EP400: variants seen among roughly 807,000 people sequenced by gnomAD.
EP400 encodes the protein E1A binding protein p400, also known as E1A-binding protein p400.
EP400 carries 105 observed loss-of-function variants against 354.1 expected under a neutral mutation model. The ratio of observed to expected loss-of-function variants is 0.30; its 90% confidence interval spans 0.25 to 0.35. The LOEUF (loss-of-function observed/expected upper bound fraction) is 0.35, where lower values mean the gene tolerates loss of function less well. EP400 is among the 10% of genes least tolerant of loss of function. EP400 has a pLI of 1.00. For missense variants in EP400, 3,280 were observed against 4,121.0 expected (o/e 0.80, Z 5.59); for synonymous variants, 1,646 against 1,716.9 (o/e 0.96, Z 1.02).
chr12:132,031,419 CTG>C (rs1894489288), intron 29 of EP400: 2 of 517,712 alleles, frequency 3.9e-6, no homozygotes, highest in Non-Finnish European at 3.9e-6. Context: ...GTTATTTAAA[CTG>C]TGCATGAGGG....
intron 12 of EP400, among the ~76,000 whole-genome samples, chr12:131,996,560 G>C (rs954532486): frequency 2.6e-5 from 4 of 151,980 alleles, no homozygotes; most frequent in Non-Finnish European, 5.9e-5. Flanking sequence ...CGAAGTGCTG[G>C]GATTACAGGC....
At chr12:132,016,525 C>T (rs1438005682) in intron 19 of EP400, among the ~76,000 whole-genome samples, 1 of 152,160 alleles carries the variant, frequency 6.6e-6, no homozygotes, top group Non-Finnish European at 1.5e-5. Flanking sequence ...TGTGCCACCA[C>T]ACCTGGCTAA....
At chr12:131,999,368 C>G (rs1003134989) in intron 12 of EP400, among the ~76,000 whole-genome samples, 2 of 152,014 alleles carry the variant, frequency 1.3e-5, no homozygotes, top group African/African-American at 4.8e-5. Flanking sequence ...GTATAGGGTT[C>G]TTGTAGATAT....
rs141823156 is a variant in EP400 at position 132,045,769 on chromosome 12, G to C, written c.7069G>C (p.Val2357Leu). 6.2e-7 allele frequency: 1 copy of C among 1,614,092 alleles called. No homozygotes were observed. ...GGAGCTGCCTTTGAACCTCACAATCGTGTCACCTGCTCACACACCTAATTG... is the reference window on the plus strand; with the variant it reads ...GGAGCTGCCTTTGAACCTCACAATCCTGTCACCTGCTCACACACCTAATTG... Reference protein sequence around the residue: ...LLELPLNLTIVSPAHTPNWDL... With the variant: ...LLELPLNLTILSPAHTPNWDL... The change falls in exon 39 of 53, where the codon GTG (valine) becomes CTG (leucine). Residue 2357 changes from valine (V) to leucine (L), a missense_variant. Val to Leu is a conservative substitution (Grantham distance 32). Transcript: ENST00000389561.
chr12:132,028,410 C>T lies in EP400; in HGVS notation c.5381+122C>T, dbSNP rs928619329. On this transcript the variant is annotated intron_variant, in intron 27 of 52. Transcript: ENST00000389561. ...GGCTTCTCCCCACGCTGTCCCTTAGCGGTCTGTTTTGAAGTTAGTCTTTGA... is the reference window on the plus strand; with the variant it reads ...GGCTTCTCCCCACGCTGTCCCTTAGTGGTCTGTTTTGAAGTTAGTCTTTGA... The T allele has an allele frequency of 2.8e-5, 36 of 1,284,230 alleles. No homozygotes were observed. The Middle Eastern group carries it at 8.2e-4, about 29-fold the overall frequency. The allele number at this position is 1,284,230 out of a possible 1,614,324, so 79.6% of individuals were successfully genotyped here.
chr12:132,004,996 C>G, intron 12 of EP400, 81 bp from the exon 13 acceptor site: 1 of 1,100,418 alleles, frequency 9.1e-7, no homozygotes, highest in East Asian at 2.6e-5. Context: ...TACCGTGGTT[C>G]TCCTGGCTGC....
At chr12:132,026,593 C>T (rs1369920558) in intron 25 of EP400, among the ~76,000 whole-genome samples, 2 of 152,144 alleles carry the variant, frequency 1.3e-5, no homozygotes, top group East Asian at 3.8e-4. Flanking sequence ...TTGCCGCTAC[C>T]CCCAGAACCA....
At position 132,050,459 on chromosome 12, in the gene EP400, T is replaced by C. The variant is rs1319981644; in HGVS notation, c.7337T>C (p.Leu2446Pro). The C allele has an allele frequency of 6.2e-7, 1 of 1,614,080 alleles. No homozygotes were observed. The highest frequency in any genetic ancestry group is 8.5e-7 in the Non-Finnish European group (1 of 1,180,048). ...AGKRSPPIKP[L>P]LGMNPFQKNP... ...AAGAGGAGTCCCCCAATCAAACCTC[T>C]GTATGTTTCCTGAGTGCTCATTTTA... The change falls in exon 40 of 53, where the codon CTG (leucine) becomes CCG (proline). Residue 2446 changes from leucine (L) to proline (P), a missense_variant and splice_region_variant. Physicochemically the swap from Leu to Pro is moderately conservative, Grantham distance 98. Around this residue, in one of 20 missense-constraint regions of EP400, gnomAD observed 29 missense variants for 86.0 expected, o/e 0.34. Coordinates refer to ENST00000389561, the MANE Select transcript of EP400 (RefSeq NM_015409.5). This position sits in a 1 kb window ranked among gnomAD's most constrained non-coding sequence, Gnocchi z 4.8.
chr12:132,069,614 G>A lies in EP400; in HGVS notation c.8994G>A (p.Gly2998=), dbSNP rs1482453883. The A allele has an allele frequency of 1.2e-6, 2 of 1,614,130 alleles. No individual in the cohort carries two copies. The highest frequency in any genetic ancestry group is 2.7e-5 in the African/African-American group (2 of 74,950). Reference sequence around the variant, plus strand: ...TCTCCCAGGCCCAGAAACTGGCCGGGGCCCAGCAAGTGCAGACCCAGATCC... The same window carrying A: ...TCTCCCAGGCCCAGAAACTGGCCGGAGCCCAGCAAGTGCAGACCCAGATCC... ...TPISQAQKLA[G]AQQVQTQIQV... Residue 2998 remains glycine, a synonymous_variant, in exon 51 of 53, where the codon GGG becomes GGA. Coordinates refer to ENST00000389561, the MANE Select transcript of EP400 (RefSeq NM_015409.5).
chr12:132,000,791 C>T (rs1893381728), intron 12 of EP400, among the ~76,000 whole-genome samples: 1 of 152,156 alleles, frequency 6.6e-6, no homozygotes, highest in Non-Finnish European at 1.5e-5. Context: ...TGTTAAATTC[C>T]AGTTACCAGT....
intron 12 of EP400, among the ~76,000 whole-genome samples, chr12:132,002,213 C>G (rs1033034881): frequency 6.6e-6 from 1 of 152,170 alleles, no homozygotes; most frequent in East Asian, 1.9e-4. Flanking sequence ...GTGTTTAGTA[C>G]ATTTGTATTA....
At chr12:132,056,806 G>T (rs1260441466) in intron 45 of EP400, among the ~76,000 whole-genome samples, 1 of 152,190 alleles carries the variant, frequency 6.6e-6, no homozygotes, top group African/African-American at 2.4e-5. Context: ...GAAAAGCATA[G>T]ACTGGGAGAA....
rs1403600362 is a variant in EP400, at chr12:132,045,516, G to A, written c.6982G>A (p.Asp2328Asn). Reference protein sequence around the residue: ...FAKPTAEPGQDNPEWLISEDW... With the variant: ...FAKPTAEPGQNNPEWLISEDW... ...CAAACCCACAGCTGAGCCTGGTCAA[G>A]ACAACCCCGAGTGGCTCATCAGTGA... The change falls in exon 38 of 53, where the codon GAC becomes AAC. Residue 2328 changes from aspartate to asparagine, a missense_variant. Coordinates refer to ENST00000389561, the MANE Select transcript of EP400 (RefSeq NM_015409.5). 6.2e-7 allele frequency: 1 copy of A among 1,614,206 alleles called. No individual in the cohort carries two copies. The highest frequency in any genetic ancestry group is 2.2e-5 in the East Asian group (1 of 44,882).
intron 5 of EP400, among the ~76,000 whole-genome samples, chr12:131,984,509 T>C (rs1415715890): frequency 6.6e-6 from 1 of 152,156 alleles, no homozygotes; most frequent in Non-Finnish European, 1.5e-5. Context: ...AGGCGACACA[T>C]GCCAGGGCAG....
At chr12:131,991,674 A>G (rs1893039081) in intron 10 of EP400, among the ~76,000 whole-genome samples, 1 of 148,378 alleles carries the variant, frequency 6.7e-6, no homozygotes, top group Non-Finnish European at 1.5e-5. Context: ...TCTGCCTCCC[A>G]GGTTCAAGCA....
chr12:132,044,715 G>T lies in EP400; in HGVS notation c.6630G>T (p.Pro2210=), dbSNP rs148581742. The T allele has an allele frequency of 6.2e-7, 1 of 1,614,166 alleles. No homozygotes were observed. Among genetic ancestry groups the T allele is most frequent in the Admixed American group, 1.7e-5 (1 of 60,012 alleles). Residue 2210 remains proline (P), a splice_region_variant and synonymous_variant, in exon 36 of 53, where the codon CCG becomes CCT. Transcript: ENST00000389561. The part of the protein sequence containing the change: ...EDVDGQTEVM[P]LWTPPTPPQD... ...TCGATGGGCAGACAGAAGTCATGCC[G>T]GTGAGTGCTGCCCTCTCCCTTTGTG...
intron 19 of EP400, among the ~76,000 whole-genome samples, chr12:132,014,836 G>A (rs1893874557): frequency 6.6e-6 from 1 of 152,214 alleles, no homozygotes; most frequent in Non-Finnish European, 1.5e-5. Flanking sequence ...GACGCCAGGT[G>A]ATCGTATGAG....
At chr12:131,963,779 C>A (rs984540444) in intron 2 of EP400, 24 of 628,608 alleles carry the variant, frequency 3.8e-5, no homozygotes, top group Admixed American at 6.2e-5. Context: ...AGTAAAAAAT[C>A]TTCCTGCGTA....
At chr12:132,059,218 A>G (rs983179832) in intron 45 of EP400, among the ~76,000 whole-genome samples, 3 of 152,118 alleles carry the variant, frequency 2.0e-5, no homozygotes, top group Non-Finnish European at 4.4e-5. Flanking sequence ...AAGGTGGAGA[A>G]TCTAAAAAGG....
Sources: allele counts gnomAD v4.1 joint callset (sites outside exome capture counted in the v4.1 genomes callset), GRCh38; gene constraint gnomAD v4.1.1; regional missense constraint gnomAD v4.1.1; non-coding constraint Gnocchi (gnomAD v3.1); transcripts MANE v1.5; gene names NCBI Gene and HGNC (gene_info 2026-07-23, HGNC 2026-07-21).